METTL25: variants seen among roughly 807,000 people sequenced by gnomAD.
METTL25 encodes probable methyltransferase-like protein 25.
In METTL25, 64 loss-of-function variants were observed where a neutral mutation model predicts 71.6. The ratio of observed to expected loss-of-function variants is 0.89; its 90% CI spans 0.73 to 1.10. The LOEUF is 1.10. Among genes scored for constraint, METTL25 ranks in the 50% least tolerant of loss-of-function variants. METTL25 has a pLI of 0.00. For synonymous variants in METTL25, 287 were observed against 250.3 expected, an observed-to-expected ratio of 1.15 and a Z score of -1.38; for missense variants, 807 against 707.0, an observed-to-expected ratio of 1.14 and a Z score of -1.60.
At chr12:82,432,612 GA>G (rs1416913929) in intron 6 of METTL25, among the ~76,000 whole-genome samples, 2 of 151,452 alleles carry the variant, frequency 1.3e-5, no homozygotes, top group African/African-American at 4.8e-5. Context: ...AAATACTTTG[GA>G]AAATAAATTC....
rs749165974 is a variant in METTL25, at chr12:82,438,697, A to G, written c.1405-21A>G. ...TGTTTTTTTTGTTTCTTGTGCTTAT[A>G]TATGTCTACATTTTTTTCAGCTGCC... On this transcript the variant is annotated intron_variant, in intron 7 of 11. Coordinates refer to ENST00000248306, the MANE Select transcript of METTL25 (RefSeq NM_032230.3). The G allele has an allele frequency of 9.0e-6, 13 of 1,438,042 alleles. No individual in the cohort carries two copies. The African/African-American group carries it at 1.6e-4, about 18-fold the overall frequency. The allele number at this position is 1,438,042 out of a possible 1,614,324, so 89.1% of individuals were successfully genotyped here.
At chr12:82,422,088 C>G (rs1469032703) in intron 5 of METTL25, among the ~76,000 whole-genome samples, 1 of 151,984 alleles carries the variant, frequency 6.6e-6, no homozygotes, top group Non-Finnish European at 1.5e-5. Context: ...GGCAGAGACA[C>G]AACAAAAAAA....
intron 3 of METTL25, among the ~76,000 whole-genome samples, chr12:82,392,092 A>G (rs554035956): frequency 1.3e-4 from 20 of 148,396 alleles, no homozygotes; most frequent in African/African-American, 4.2e-4. Context: ...TTATTTATTT[A>G]TTTTTTATTT....
rs1565789171 is a variant in METTL25 at position 82,358,795 on chromosome 12, G to GCCC, written c.233_235dup (p.Pro78dup). On this transcript the variant is annotated inframe_insertion, in exon 1 of 12. Transcript: ENST00000248306. ...ACGGAGGCCCTGCCCTCAGAGACGC[G>GCCC]CCCCCTAGTGGAAGCAGAGTGGGAA... 11 of 1,613,316 alleles carry GCCC rather than the reference G, an allele frequency of 6.8e-6. No homozygotes were observed. The highest frequency in any genetic ancestry group is 5.1e-6 in the Non-Finnish European group (6 of 1,179,668).
At chr12:82,364,348 A>T (rs996947544) in intron 1 of METTL25, among the ~76,000 whole-genome samples, 1 of 152,246 alleles carries the variant, frequency 6.6e-6, no homozygotes, top group African/African-American at 2.4e-5. Flanking sequence ...GGCTGTTGGC[A>T]TGAGGTCTCA....
chr12:82,380,307 T>A (rs1316542568), intron 1 of METTL25, among the ~76,000 whole-genome samples: 1 of 152,188 alleles, frequency 6.6e-6, no homozygotes, highest in African/African-American at 2.4e-5. Context: ...GATCTCATTA[T>A]TTTTTATGGT....
At chr12:82,416,766 TG>T (rs1256889892) in intron 5 of METTL25, among the ~76,000 whole-genome samples, 1 of 152,124 alleles carries the variant, frequency 6.6e-6, no homozygotes, top group East Asian at 1.9e-4. Flanking sequence ...AGCACCATGC[TG>T]GGCCTATCCT....
At chr12:82,415,524 A>G (rs1057247820) in intron 5 of METTL25, among the ~76,000 whole-genome samples, 1 of 152,116 alleles carries the variant, frequency 6.6e-6, no homozygotes, top group Non-Finnish European at 1.5e-5. Flanking sequence ...GTTCCACAGT[A>G]TGCTCTCTAC....
At chr12:82,413,383 T>G (rs1210536409) in intron 5 of METTL25, among the ~76,000 whole-genome samples, 1 of 152,054 alleles carries the variant, frequency 6.6e-6, no homozygotes, top group East Asian at 1.9e-4. Flanking sequence ...AAGTAATATA[T>G]AATATAATAA....
At chr12:82,369,136 T>C (rs947171418) in intron 1 of METTL25, among the ~76,000 whole-genome samples, 2 of 152,326 alleles carry the variant, frequency 1.3e-5, no homozygotes, top group Admixed American at 1.3e-4. Context: ...ATAATAAATA[T>C]TCACTCATAT....
intron 9 of METTL25, among the ~76,000 whole-genome samples, chr12:82,463,802 T>C (rs539085116): frequency 1.3e-5 from 2 of 152,180 alleles, no homozygotes; most frequent in South Asian, 2.1e-4. Context: ...TGATACCTCA[T>C]TGTGGTTCTG....
rs528539929 is a variant in METTL25, at chr12:82,466,706, A to G, written c.1572+9886A>G. 1.8e-4 allele frequency among the ~76,000 whole-genome samples: 28 copies of G among 152,180 alleles called. No homozygotes were observed. The South Asian group carries it at 5.6e-3, about 30-fold the overall frequency. On this transcript the variant is annotated intron_variant, in intron 9 of 11. Coordinates refer to ENST00000248306, the MANE Select transcript of METTL25 (RefSeq NM_032230.3). ...TGAGAGTGAGGTGAAGTCCCCAACT[A>G]TTACTGGATTGAGGTCCATCTGTCT...
chr12:82,429,352 T>C (rs545911963), intron 5 of METTL25, among the ~76,000 whole-genome samples: 1 of 148,264 alleles, frequency 6.7e-6, no homozygotes, highest in South Asian at 2.2e-4. Context: ...CTTCCGTTTC[T>C]ACCCATATTG....
At chr12:82,360,330 T>C (rs1443223985) in intron 1 of METTL25, among the ~76,000 whole-genome samples, 1 of 152,072 alleles carries the variant, frequency 6.6e-6, no homozygotes, top group Admixed American at 6.6e-5. Flanking sequence ...TTTTAATCTT[T>C]ACATCAGCCT....
intron 5 of METTL25, among the ~76,000 whole-genome samples, chr12:82,428,292 A>T (rs1038443142): frequency 6.6e-6 from 1 of 151,890 alleles, no homozygotes; most frequent in Admixed American, 6.6e-5. Context: ...GTTCTCTGTT[A>T]GTACTAGGAA....
chr12:82,474,712 T>C (rs1045583255), intron 9 of METTL25: 11 of 152,240 alleles, frequency 7.2e-5, no homozygotes, highest in Non-Finnish European at 8.8e-5. Flanking sequence ...GCATAGTCTA[T>C]GATATCCAGT....
chr12:82,455,356 G>T (rs1177715194), intron 8 of METTL25, among the ~76,000 whole-genome samples: 1 of 151,786 alleles, frequency 6.6e-6, no homozygotes, highest in Non-Finnish European at 1.5e-5. Flanking sequence ...TCCTGTATGT[G>T]CAGGATCTGA....
intron 1 of METTL25, among the ~76,000 whole-genome samples, chr12:82,361,768 G>T: frequency 6.6e-6 from 1 of 152,182 alleles, no homozygotes; most frequent in East Asian, 1.9e-4. Context: ...AGCAAGCGTG[G>T]CGCGCAGCCC....
chr12:82,421,819 C>T (rs1329048773), intron 5 of METTL25, among the ~76,000 whole-genome samples: 1 of 152,120 alleles, frequency 6.6e-6, no homozygotes, highest in Non-Finnish European at 1.5e-5. Flanking sequence ...AATTCCTTGA[C>T]ACATACACCC....
Sources: allele counts gnomAD v4.1 joint callset (sites outside exome capture counted in the v4.1 genomes callset), GRCh38; gene constraint gnomAD v4.1.1; transcripts MANE v1.5; gene names NCBI Gene and HGNC (gene_info 2026-07-23, HGNC 2026-07-21).